WNK3: variants seen among roughly 807,000 people sequenced by gnomAD.
WNK3 encodes the protein serine/threonine-protein kinase WNK3.
WNK3 carries 18 observed loss-of-function variants against 116.7 expected under a neutral mutation model. The observed-to-expected ratio is 0.15, with a 90% CI of 0.11 to 0.23. The LOEUF (loss-of-function observed/expected upper bound fraction) is 0.23. WNK3 is among the 10% of genes least tolerant of loss of function. The pLI is 1.00. For synonymous variants in WNK3, 404 were observed against 469.4 expected (o/e 0.86, Z 1.80); for missense variants, 993 against 1,323.8 (o/e 0.75, Z 3.88).
intron 10 of WNK3, among the ~76,000 whole-genome samples, chrX:54,268,349 C>T (rs1441719519): frequency 9.0e-6 from 1 of 110,928 alleles, no homozygotes; most frequent in African/African-American, 3.3e-5. Flanking sequence ...ATTAACTGGC[C>T]GTGGTGGCAC....
At chrX:54,211,765 G>A (rs183480630) in intron 22 of WNK3, among the ~76,000 whole-genome samples, 3 of 110,115 alleles carry the variant, frequency 2.7e-5, no homozygotes, top group Admixed American at 9.8e-5. Context: ...CCAAGATTGC[G>A]CCCCTGCACT....
chrX:54,305,457 T>C (rs1401125362), intron 5 of WNK3, among the ~76,000 whole-genome samples: 1 of 111,499 alleles, frequency 9.0e-6, no homozygotes, highest in Non-Finnish European at 1.9e-5. Context: ...GTGTTAAACA[T>C]TTACCAGCTC....
intron 1 of WNK3, among the ~76,000 whole-genome samples, chrX:54,335,826 CT>C (rs1368644951): frequency 1.8e-5 from 2 of 111,795 alleles, no homozygotes; most frequent in African/African-American, 6.5e-5. Context: ...ATAATCAAAG[CT>C]AATACAATCT....
At chrX:54,263,806 T>G (rs888112762) in intron 10 of WNK3, among the ~76,000 whole-genome samples, 1 of 111,198 alleles carries the variant, frequency 9.0e-6, no homozygotes, top group African/African-American at 3.3e-5. Context: ...TGATGCCCAC[T>G]TCCATATTTT....
intron 22 of WNK3, among the ~76,000 whole-genome samples, chrX:54,203,737 A>T (rs2067523293): frequency 9.1e-6 from 1 of 110,346 alleles, no homozygotes; most frequent in Non-Finnish European, 1.9e-5. Flanking sequence ...ACCTGAGGTC[A>T]GGAGTTCAAG....
chrX:54,325,317 C>T (rs1240064137), intron 2 of WNK3, among the ~76,000 whole-genome samples: 1 of 111,264 alleles, frequency 9.0e-6, no homozygotes, highest in African/African-American at 3.3e-5. Context: ...TACAAGCACA[C>T]TCAAATACAT....
chrX:54,343,129 G>A (rs1206269789), intron 1 of WNK3, among the ~76,000 whole-genome samples: 1 of 109,963 alleles, frequency 9.1e-6, no homozygotes, highest in African/African-American at 3.3e-5. Flanking sequence ...GGGATTATAG[G>A]CATGAGTCAC....
At chrX:54,330,367 C>G (rs781896029) in intron 2 of WNK3, among the ~76,000 whole-genome samples, 1 of 109,901 alleles carries the variant, frequency 9.1e-6, no homozygotes, top group Non-Finnish European at 1.9e-5. Flanking sequence ...AGCAAGACTC[C>G]GTCTAAAACA....
At chrX:54,217,356 C>T (rs782462985) in intron 22 of WNK3, among the ~76,000 whole-genome samples, 281 of 99,382 alleles carry the variant, frequency 2.8e-3, no homozygotes, top group Non-Finnish European at 5.0e-3. Context: ...GGGCCAGGCG[C>T]GGTGGCTCAC....
intron 10 of WNK3, among the ~76,000 whole-genome samples, chrX:54,268,080 G>GCA (rs57010526): frequency 0.24 from 19,597 of 80,604 alleles, 2,349 homozygotes; most frequent in Admixed American, 0.3. Flanking sequence ...CTGAATGCGT[G>GCA]CACACACACA....
chrX:54,292,050 CAA>C (rs1405131511), intron 10 of WNK3, among the ~76,000 whole-genome samples: 1 of 111,685 alleles, frequency 9.0e-6, no homozygotes, highest in African/African-American at 3.3e-5. Context: ...TAAACTCACA[CAA>C]AGACTATTAA....
At chrX:54,248,956 TAGATGCTAG>T in exon 17 of WNK3, 1 of 1,211,862 alleles carries the variant, frequency 8.3e-7, no homozygotes, top group Non-Finnish European at 1.1e-6. Flanking sequence ...ACTCTCGGGA[TAGATGCTAG>T]AGATGCTGTG....
intron 21 of WNK3, among the ~76,000 whole-genome samples, chrX:54,230,167 A>T (rs1408298007): frequency 1.8e-5 from 2 of 111,549 alleles, no homozygotes; most frequent in African/African-American, 6.5e-5. Context: ...CTCGAAAATC[A>T]ACCATATGAA....
intron 17 of WNK3, among the ~76,000 whole-genome samples, chrX:54,247,906 A>G (rs1442329142): frequency 9.0e-6 from 1 of 111,600 alleles, no homozygotes; most frequent in Non-Finnish European, 1.9e-5. Context: ...TGTGATTTGA[A>G]GGGGCAGAAA....
At chrX:54,293,440 C>T in intron 8 of WNK3, 113 bp from the exon 9 acceptor site, 1 of 494,308 alleles carries the variant, frequency 2.0e-6, no homozygotes, top group Non-Finnish European at 3.1e-6. Context: ...GAGAACCTGA[C>T]ATAGCTTCAA....
At chrX:54,271,310 A>C (rs2068381568) in intron 10 of WNK3, among the ~76,000 whole-genome samples, 1 of 112,300 alleles carries the variant, frequency 8.9e-6, no homozygotes. Context: ...AAAGAACAAA[A>C]TATGTAGATG....
chrX:54,232,714 T>G, intron 21 of WNK3, 95 bp downstream of exon 21: 1 of 748,785 alleles, frequency 1.3e-6, no homozygotes, highest in South Asian at 2.9e-5. Flanking sequence ...TAAATTATTT[T>G]AGCCTAATTA....
At chrX:54,249,482 G>T in exon 17 of WNK3, 2 of 1,211,765 alleles carry the variant, frequency 1.7e-6, no homozygotes, top group South Asian at 3.5e-5. Context: ...ATAGCTGGCT[G>T]CTTGGTTTCT....
At chrX:54,255,885 A>C (rs1557155423) in exon 12 of WNK3, 1 of 1,196,353 alleles carries the variant, frequency 8.4e-7, no homozygotes, top group Admixed American at 2.3e-5. Context: ...ATCTTGATTC[A>C]AGCTAGTAAT....
Sources: gnomAD v4.1 joint callset for allele counts (sites outside exome capture counted in the v4.1 genomes callset) on GRCh38, gnomAD v4.1.1 for gene constraint, MANE v1.5 for transcripts, NCBI Gene and HGNC (gene_info 2026-07-23, HGNC 2026-07-21) for gene names.